GTF2E1: variants seen among roughly 807,000 people sequenced by gnomAD.
The protein encoded by GTF2E1 is general transcription factor IIE subunit 1, also known as TFIIE alpha subunit.
In GTF2E1, 14 loss-of-function variants were observed where a neutral mutation model predicts 34.9. The ratio of observed to expected loss-of-function variants is 0.40; its 90% CI spans 0.27 to 0.63. GTF2E1 has a LOEUF of 0.63. Among genes scored for constraint, GTF2E1 ranks in the 20% least tolerant of loss-of-function variants. The probability of loss-of-function intolerance (pLI) is 0.39; values close to 1 mark genes in which losing one functional copy is unlikely to be tolerated. For synonymous variants in GTF2E1, 188 were observed against 192.9 expected (o/e 0.97, Z 0.21); for missense variants, 469 against 557.7 (o/e 0.84, Z 1.60).
At chr3:120,752,308 C>A (rs1420464159) in intron 2 of GTF2E1, among the ~76,000 whole-genome samples, 1 of 152,148 alleles carries the variant, frequency 6.6e-6, no homozygotes, top group East Asian at 1.9e-4. Flanking sequence ...ATCTGGAGCT[C>A]TTCAAAATAG....
At chr3:120,772,638 T>C (rs1012504483) in intron 3 of GTF2E1, among the ~76,000 whole-genome samples, 1 of 152,196 alleles carries the variant, frequency 6.6e-6, no homozygotes, top group Non-Finnish European at 1.5e-5. Context: ...AGCTTATGGA[T>C]TATTTCATGT....
At chr3:120,764,439 C>G (rs1213581513) in intron 2 of GTF2E1, among the ~76,000 whole-genome samples, 1 of 152,148 alleles carries the variant, frequency 6.6e-6, no homozygotes, top group Non-Finnish European at 1.5e-5. Flanking sequence ...AATAGGAGTC[C>G]CACTTGAGCA....
intron 2 of GTF2E1, among the ~76,000 whole-genome samples, chr3:120,764,424 G>A (rs146824367): frequency 9.8e-5 from 15 of 152,296 alleles, no homozygotes; most frequent in Non-Finnish European, 1.9e-4. Flanking sequence ...GAGGACATGG[G>A]CTGCAATAGG....
In GTF2E1 at chr3:120,781,164, T is replaced by A. The variant is rs762971515; in HGVS notation, c.1014T>A (p.Gly338=). 1.9e-6 allele frequency: 3 copies of A among 1,613,782 alleles called. No individual in the cohort carries two copies. The South Asian group carries it at 3.3e-5, about 18-fold the overall frequency. ...AAAAGACTTCCTCTGCCATGGCTGG[T>A]TCAGTGGGGGCAGCTGCTCCAGTGA... is the stretch of plus-strand genomic sequence containing the variant. ...HEKKTSSAMA[G]SVGAAAPVTA... The change falls in exon 5 of 5, where the codon GGT becomes GGA. Residue 338 remains glycine, a synonymous_variant. Transcript: ENST00000283875.
chr3:120,754,814 A>C (rs1709194884), intron 2 of GTF2E1, among the ~76,000 whole-genome samples: 1 of 152,084 alleles, frequency 6.6e-6, no homozygotes, highest in Non-Finnish European at 1.5e-5. Flanking sequence ...GAATCTTATA[A>C]ATGTATATTT....
chr3:120,766,113 T>G (rs968776954), intron 2 of GTF2E1, among the ~76,000 whole-genome samples: 1 of 152,226 alleles, frequency 6.6e-6, no homozygotes, highest in Admixed American at 6.5e-5. Context: ...TTTATCATAT[T>G]GCTTAATAGC....
chr3:120,751,069 T>C (rs567684300), intron 2 of GTF2E1, 69 bp downstream of exon 2: 327 of 950,164 alleles, frequency 3.4e-4, no homozygotes, highest in Non-Finnish European at 4.8e-4. Flanking sequence ...AATTGATTCA[T>C]CTAATTTTTA....
intron 1 of GTF2E1, among the ~76,000 whole-genome samples, chr3:120,745,415 C>A (rs1048008744): frequency 1.3e-5 from 2 of 152,140 alleles, no homozygotes; most frequent in Non-Finnish European, 2.9e-5. Context: ...GGGACCTCTC[C>A]ATGCAGGATG....
chr3:120,775,972 G>C (rs1257560823), intron 3 of GTF2E1, among the ~76,000 whole-genome samples: 1 of 152,180 alleles, frequency 6.6e-6, no homozygotes, highest in Non-Finnish European at 1.5e-5. Flanking sequence ...AAAGCACACA[G>C]AACCACTTTG....
chr3:120,761,786 ATTTTTTT>A (rs35658998), intron 2 of GTF2E1, among the ~76,000 whole-genome samples: 7 of 120,150 alleles, frequency 5.8e-5, no homozygotes, highest in South Asian at 2.6e-4. Context: ...TCTGAGAGAC[ATTTTTTT>A]TTTTTTTTTT....
rs58392012 is a variant in GTF2E1, at chr3:120,759,772, G to A, written c.448+8772G>A. Among the ~76,000 whole-genome samples the A allele has an allele frequency of 5.7e-3, 864 of 152,224 alleles. 12 individuals carry two copies. Among genetic ancestry groups the A allele is most frequent in the African/African-American group, 0.02 (831 of 41,520 alleles). ...ATAGAGGTGTGGTGTTATTTCTGAGGCCTCTGTTCTGTTCCATTGGTCTGT... is the reference window on the plus strand; with the variant it reads ...ATAGAGGTGTGGTGTTATTTCTGAGACCTCTGTTCTGTTCCATTGGTCTGT... On this transcript the variant is annotated intron_variant, in intron 2 of 4. Coordinates refer to ENST00000283875, the MANE Select transcript of GTF2E1 (RefSeq NM_005513.3).
intron 2 of GTF2E1, among the ~76,000 whole-genome samples, chr3:120,759,403 A>T (rs978360257): frequency 6.6e-6 from 1 of 152,116 alleles, no homozygotes; most frequent in African/African-American, 2.4e-5. Context: ...GTTCACTCTG[A>T]TGATAATTTC....
chr3:120,773,167 A>C (rs1489850769), intron 3 of GTF2E1, among the ~76,000 whole-genome samples: 1 of 152,152 alleles, frequency 6.6e-6, no homozygotes, highest in Non-Finnish European at 1.5e-5. Flanking sequence ...CCATTAGGTT[A>C]GAAGATGTTA....
chr3:120,773,461 C>A (rs958580075), intron 3 of GTF2E1, among the ~76,000 whole-genome samples: 3 of 151,998 alleles, frequency 2.0e-5, no homozygotes, highest in Non-Finnish European at 4.4e-5. Flanking sequence ...TCTAGCTTGT[C>A]CCTAGATCAG....
At chr3:120,777,748 C>T (rs867230870) in intron 4 of GTF2E1, among the ~76,000 whole-genome samples, 7 of 152,276 alleles carry the variant, frequency 4.6e-5, no homozygotes, top group Middle Eastern at 3.4e-3. Flanking sequence ...GTTTTTTTGA[C>T]GGAGTCTCGC....
intron 1 of GTF2E1, among the ~76,000 whole-genome samples, chr3:120,746,475 C>T (rs1017725474): frequency 2.7e-5 from 4 of 150,188 alleles, no homozygotes; most frequent in Admixed American, 6.6e-5. Flanking sequence ...GGTGACAGAT[C>T]GAGACCCTGT....
At chr3:120,748,021 T>C (rs1346390638) in intron 1 of GTF2E1, among the ~76,000 whole-genome samples, 38 of 151,614 alleles carry the variant, frequency 2.5e-4, no homozygotes, top group Admixed American at 7.9e-4. Context: ...CATTTTTTCA[T>C]GTGTTTTTTG....
chr3:120,750,925 G>T lies in GTF2E1; in HGVS notation c.373G>T (p.Ala125Ser). Residue 125 changes from alanine to serine, a missense_variant, in exon 2 of 5, where the codon GCT becomes TCT. Coordinates refer to ENST00000283875, the MANE Select transcript of GTF2E1 (RefSeq NM_005513.3). Reference sequence around the variant, plus strand: ...CGATGAGAGAGATTCGACCAACCGGGCTTCCTTCAAATGTCCTGTCTGTAG... The same window carrying T: ...CGATGAGAGAGATTCGACCAACCGGTCTTCCTTCAAATGTCCTGTCTGTAG... ...ETDERDSTNRASFKCPVCSST... is the reference protein window; with the variant it reads ...ETDERDSTNRSSFKCPVCSST... The T allele has an allele frequency of 6.2e-7, 1 of 1,613,902 alleles. No homozygotes were observed. Among genetic ancestry groups the T allele is most frequent in the Non-Finnish European group, 8.5e-7 (1 of 1,179,826 alleles).
chr3:120,762,080 G>A (rs989731650), intron 2 of GTF2E1, among the ~76,000 whole-genome samples: 1 of 152,086 alleles, frequency 6.6e-6, no homozygotes, highest in Non-Finnish European at 1.5e-5. Flanking sequence ...ATGAGCTACC[G>A]CGCCTGGCCA....
Sources: allele counts gnomAD v4.1 joint callset (sites outside exome capture counted in the v4.1 genomes callset), GRCh38; gene constraint gnomAD v4.1.1; transcripts MANE v1.5; gene names NCBI Gene and HGNC (gene_info 2026-07-23, HGNC 2026-07-21).